The following RGS3 variants were observed in gnomAD, a reference collection of about 807,000 sequenced individuals.
The protein encoded by RGS3 is regulator of G protein signaling 3.
Under a neutral mutation model 132.6 loss-of-function variants are expected in RGS3, and 80 were observed. That is an observed-to-expected ratio of 0.60 (90% confidence interval 0.50 to 0.73). The LOEUF is 0.73. RGS3 is among the 30% of genes least tolerant of loss of function. The pLI is 0.00. For missense variants in RGS3, 1,382 were observed against 1,530.8 expected (o/e 0.90, Z 1.62); for synonymous variants, 598 against 620.6 (o/e 0.96, Z 0.54).
At chr9:113,551,958 A>G (rs1438436338) in intron 19 of RGS3, among the ~76,000 whole-genome samples, 1 of 152,138 alleles carries the variant, frequency 6.6e-6, no homozygotes, top group East Asian at 1.9e-4. Flanking sequence ...CACTAACTCT[A>G]TTTTTTCATT....
chr9:113,451,152 C>G (rs1829233320), intron 1 of RGS3, among the ~76,000 whole-genome samples: 1 of 150,258 alleles, frequency 6.7e-6, no homozygotes, highest in South Asian at 2.1e-4. Flanking sequence ...CACCTCCAGC[C>G]TGGGCAACAG....
Position 113,526,710 on chromosome 9 carries a change from T to C in RGS3, c.1871-2511T>C, listed in dbSNP as rs150223083. Among the ~76,000 whole-genome samples, 76 of 152,272 alleles carry C rather than the reference T, an allele frequency of 5.0e-4. No homozygotes were observed. In the East Asian group the frequency reaches 0.014, roughly 27 times the overall value. ...GTCAGACCTGGGCCAGGAAGCTATC[T>C]CTGGGGCCCACCCAGCCCGTGATTG... On this transcript the variant is annotated intron_variant, in intron 17 of 24. Transcript: ENST00000350696.
At chr9:113,471,854 C>G (rs1156908718) in intron 3 of RGS3, among the ~76,000 whole-genome samples, 1 of 152,142 alleles carries the variant, frequency 6.6e-6, no homozygotes, top group African/African-American at 2.4e-5. Context: ...CGTAGGATTG[C>G]TTGAGCTTCC....
chr9:113,538,318 C>CT (rs995283973), intron 19 of RGS3, among the ~76,000 whole-genome samples: 1 of 152,196 alleles, frequency 6.6e-6, no homozygotes, highest in East Asian at 1.9e-4. Context: ...GTCCCCATGC[C>CT]TATAGGCTGC....
chr9:113,511,276 G>A (rs949095692), intron 14 of RGS3, among the ~76,000 whole-genome samples: 4 of 152,130 alleles, frequency 2.6e-5, no homozygotes, highest in African/African-American at 4.8e-5. Context: ...GTATTTGGTC[G>A]GTGAAGCAGG....
chr9:113,523,551 G>A lies in RGS3; in HGVS notation c.1870+510G>A, dbSNP rs117151434. On this transcript the variant is annotated intron_variant, in intron 17 of 24. Transcript: ENST00000350696. ...GATCTGTGGACAGAGACCGCAACTC[G>A]GCTCTACTCAGCTGCATGGCCCTGC... is the stretch of plus-strand genomic sequence containing the variant. Among the ~76,000 whole-genome samples the A allele has an allele frequency of 7.8e-4, 119 of 152,274 alleles. 1 individual carries two copies. The East Asian group carries it at 0.02, about 26-fold the overall frequency.
At chr9:113,459,232 G>T (rs1486118887), upstream of RGS3, among the ~76,000 whole-genome samples, 1 of 152,106 alleles carries the variant, frequency 6.6e-6, no homozygotes, top group African/African-American at 2.4e-5. Context: ...AGCATCATCT[G>T]TTTCTTGAAG....
intron 10 of RGS3, among the ~76,000 whole-genome samples, chr9:113,498,839 C>T (rs1830769574): frequency 6.6e-6 from 1 of 150,728 alleles, no homozygotes; most frequent in Non-Finnish European, 1.5e-5. Context: ...ATCACTTGAA[C>T]CCAGGCAGCG....
intron 1 of RGS3, among the ~76,000 whole-genome samples, chr9:113,454,456 A>C (rs1196371885): frequency 6.6e-6 from 1 of 151,846 alleles, no homozygotes; most frequent in Non-Finnish European, 1.5e-5. Context: ...AAAAATACAA[A>C]ACTTAGCCAG....
chr9:113,466,335 G>A (rs1270972841), intron 3 of RGS3, among the ~76,000 whole-genome samples: 3 of 152,232 alleles, frequency 2.0e-5, no homozygotes, highest in African/African-American at 4.8e-5. Context: ...TGCTTAGCTG[G>A]TAGTTTCCTG....
intron 10 of RGS3, among the ~76,000 whole-genome samples, chr9:113,499,550 C>T (rs1024225282): frequency 6.6e-6 from 1 of 152,246 alleles, no homozygotes; most frequent in African/African-American, 2.4e-5. Flanking sequence ...ACAATATCGG[C>T]GTATTACAAT....
At chr9:113,508,601 G>C (rs1311822077) in intron 14 of RGS3, 21 bp downstream of exon 12, 1 of 1,610,544 alleles carries the variant, frequency 6.2e-7, no homozygotes, top group East Asian at 2.2e-5. Flanking sequence ...TGCTGCTGCT[G>C]TGCCCTCCTA....
Position 113,591,857 on chromosome 9 carries a change from CG to C in RGS3, c.3080+461del. ...GAGGGGGCGCTGCTGGCCCAGCTGC[CG>C]AATCCCGCACTCGCCAAGCCTTTCT... On this transcript the variant is annotated intron_variant, in intron 21 of 24. Transcript: ENST00000350696. The surrounding 1 kb of genome is among the most constrained non-coding windows in gnomAD (Gnocchi z 4.4). 1.2e-5 allele frequency: 2 copies of C among 169,886 alleles called. No individual in the cohort carries two copies. Among genetic ancestry groups the C allele is most frequent in the Admixed American group, 5.6e-5 (1 of 17,932 alleles). 10.5% of individuals were successfully genotyped at this position (169,886 alleles called of 1,614,324 possible).
chr9:113,496,963 C>G (rs937529397), intron 8 of RGS3, among the ~76,000 whole-genome samples: 3 of 152,188 alleles, frequency 2.0e-5, no homozygotes, highest in Admixed American at 6.5e-5. Context: ...CTCTTTCACT[C>G]CTTCACTTCT....
exon 23 of RGS3, chr9:113,594,952 G>C: frequency 6.2e-7 from 1 of 1,614,122 alleles, no homozygotes; most frequent in East Asian, 2.2e-5. Context: ...AGTGGGGCGA[G>C]TCCTTGGAGA....
Position 113,536,540 on chromosome 9 carries a change from G to T in RGS3, c.1915-256G>T, listed in dbSNP as rs539515472. 4 of 1,274,832 alleles carry T rather than the reference G, an allele frequency of 3.1e-6. No homozygotes were observed. The Admixed American group carries it at 1.0e-4, about 32-fold the overall frequency. 79.0% of individuals were successfully genotyped at this position (1,274,832 alleles called of 1,614,324 possible). On this transcript the variant is annotated intron_variant, in intron 18 of 24. Transcript: ENST00000350696. ...CCTGCTCTCCACAGGCCTCTGCTGT[G>T]TTGGGAGCCACTGCCTTCCTCCCCT...
chr9:113,588,716 G>C (rs1351685714), intron 20 of RGS3, among the ~76,000 whole-genome samples: 1 of 152,256 alleles, frequency 6.6e-6, no homozygotes, highest in Non-Finnish European at 1.5e-5. Flanking sequence ...ACCCATGCTA[G>C]CTGAGAGTAC....
chr9:113,591,691 C>T lies in RGS3; in HGVS notation c.3080+294C>T. 1 of 395,706 alleles carries T rather than the reference C, an allele frequency of 2.5e-6. No individual in the cohort carries two copies. The highest frequency in any genetic ancestry group is 4.8e-6 in the Non-Finnish European group (1 of 208,496). The allele number at this position is 395,706 out of a possible 1,614,324, so 24.5% of individuals were successfully genotyped here. The stretch of plus-strand genomic sequence containing the variant: ...CCTGGCTTTAGCCCAGCTTCTGAGC[C>T]AAGCAGGGACCAAGTGACTTCAACA... On this transcript the variant is annotated intron_variant, in intron 21 of 24. Transcript: ENST00000350696. The surrounding 1 kb of genome is among the most constrained non-coding windows in gnomAD (Gnocchi z 4.4).
intron 7 of RGS3, among the ~76,000 whole-genome samples, chr9:113,488,738 CA>C (rs2119245247): frequency 6.6e-6 from 1 of 152,364 alleles, no homozygotes; most frequent in South Asian, 2.1e-4. Flanking sequence ...GTCACAGTCC[CA>C]GCCCGAAGCT....
Sources: allele counts gnomAD v4.1 joint callset (sites outside exome capture counted in the v4.1 genomes callset), GRCh38; gene constraint gnomAD v4.1.1; non-coding constraint Gnocchi (gnomAD v3.1); transcripts MANE v1.5; gene names NCBI Gene and HGNC (gene_info 2026-07-23, HGNC 2026-07-21).